Variants in WDR7 observed in about 807,000 individuals in gnomAD.
WDR7 encodes the protein WD repeat domain 7, also known as WD repeat-containing protein 7.
WDR7 carries 46 observed loss-of-function variants against 169.4 expected under a neutral mutation model. The ratio of observed to expected loss-of-function variants is 0.27; its 90% CI spans 0.21 to 0.35. The LOEUF (loss-of-function observed/expected upper bound fraction) is 0.35, where lower values mean the gene tolerates loss of function less well. WDR7 is among the 10% of genes least tolerant of loss of function. The probability of loss-of-function intolerance (pLI) is 1.00; values close to 1 mark genes in which losing one functional copy is unlikely to be tolerated. For missense variants in WDR7, 1,534 were observed against 1,859.3 expected, an observed-to-expected ratio of 0.83 and a Z score of 3.22; for synonymous variants, 612 against 666.8, an observed-to-expected ratio of 0.92 and a Z score of 1.27.
chr18:57,016,972 C>G (rs2048214827), intron 26 of WDR7, among the ~76,000 whole-genome samples: 1 of 152,210 alleles, frequency 6.6e-6, no homozygotes, highest in African/African-American at 2.4e-5. Context: ...TACCAAACCT[C>G]TATTTATGTT....
chr18:56,937,908 A>C (rs1599173752), intron 23 of WDR7, among the ~76,000 whole-genome samples: 1 of 152,338 alleles, frequency 6.6e-6, no homozygotes, highest in Admixed American at 6.5e-5. Context: ...TATATATATT[A>C]TATACTGTAG....
rs570412312 is a variant in WDR7 at position 56,843,402 on chromosome 18, C to T, written c.3304+27258C>T. Among the ~76,000 whole-genome samples the T allele has an allele frequency of 1.6e-4, 24 of 152,298 alleles. 2 individuals carry two copies. In the South Asian group the frequency reaches 4.8e-3, roughly 30 times the overall value. ...CTTTCCTGCCTCCATCCTCTGTCAA[C>T]CACTGTTCTGCTTTCTGTCTCTATG... On this transcript the variant is annotated intron_variant, in intron 20 of 27. Transcript: ENST00000254442.
intron 19 of WDR7, among the ~76,000 whole-genome samples, chr18:56,785,120 G>C (rs530039775): frequency 1.3e-5 from 2 of 152,262 alleles, no homozygotes; most frequent in East Asian, 3.9e-4. Context: ...CGTATGAAAG[G>C]AGAAGAAAGC....
intron 21 of WDR7, among the ~76,000 whole-genome samples, chr18:56,900,082 G>GTATATATA (rs1191116351): frequency 0.02 from 624 of 31,984 alleles, 7 homozygotes; most frequent in African/African-American, 0.034. Context: ...GTGTGTGTGT[G>GTATATATA]TATATATATA....
chr18:56,748,222 GTCTTT>G (rs1402165193), intron 14 of WDR7, among the ~76,000 whole-genome samples: 3 of 152,144 alleles, frequency 2.0e-5, no homozygotes, highest in African/African-American at 7.2e-5. Context: ...GAGGTAGGCA[GTCTTT>G]TCTTTATTTG....
intron 20 of WDR7, among the ~76,000 whole-genome samples, chr18:56,817,713 T>C (rs1157990795): frequency 2.0e-5 from 3 of 152,160 alleles, no homozygotes; most frequent in Admixed American, 2.0e-4. Context: ...GAATTTGTTT[T>C]GGTAGCTGCT....
At chr18:56,729,214 G>T (rs991594111) in intron 13 of WDR7, among the ~76,000 whole-genome samples, 21 of 152,168 alleles carry the variant, frequency 1.4e-4, no homozygotes, top group Middle Eastern at 6.8e-3. Context: ...ATTTATTCCT[G>T]TGAAACTTTA....
chr18:56,993,024 T>C (rs990864749), intron 26 of WDR7, among the ~76,000 whole-genome samples: 3 of 152,168 alleles, frequency 2.0e-5, no homozygotes, highest in Non-Finnish European at 4.4e-5. Context: ...ATTCTACACC[T>C]CCCAAACTCA....
chr18:57,005,800 T>A (rs2048048901), intron 26 of WDR7, among the ~76,000 whole-genome samples: 1 of 152,200 alleles, frequency 6.6e-6, no homozygotes, highest in South Asian at 2.1e-4. Flanking sequence ...CTAACACTAA[T>A]GCTAGCTTAT....
intron 12 of WDR7, among the ~76,000 whole-genome samples, chr18:56,708,437 G>C (rs75962753): frequency 0.012 from 1,852 of 152,284 alleles, 53 homozygotes; most frequent in African/African-American, 0.043. Context: ...TGCCATTTAA[G>C]TTCTAAGTTG....
In WDR7 at chr18:57,027,623, G is replaced by A. The variant is rs1468847424; in HGVS notation, c.*416G>A. 2.1e-5 allele frequency: 4 copies of A among 192,990 alleles called. No individual in the cohort carries two copies. In the South Asian group the frequency reaches 4.7e-4, roughly 23 times the overall value. The allele number at this position is 192,990 out of a possible 1,614,324, so 12.0% of individuals were successfully genotyped here. A position where few individuals can be genotyped will look rare whatever the true frequency, so the allele number is the denominator to read the frequency against. The stretch of plus-strand genomic sequence containing the variant: ...AGTGCTGCTTGAATCTGGCCGTTCT[G>A]ACACTGGGTGTTGAGGTCATGTGGC... On this transcript the variant is annotated 3_prime_UTR_variant, in exon 28 of 28. Coordinates refer to ENST00000254442, the MANE Select transcript of WDR7 (RefSeq NM_015285.3).
intron 12 of WDR7, among the ~76,000 whole-genome samples, chr18:56,697,476 T>G (rs886176698): frequency 6.6e-6 from 1 of 152,252 alleles, no homozygotes; most frequent in South Asian, 2.1e-4. Context: ...TTTGCAAATT[T>G]ACCTCCTTAA....
intron 1 of WDR7, among the ~76,000 whole-genome samples, chr18:56,671,220 G>A (rs979244451): frequency 2.0e-5 from 3 of 151,430 alleles, no homozygotes; most frequent in Non-Finnish European, 4.4e-5. Flanking sequence ...TACAACAAAA[G>A]ACTTTCATGA....
At chr18:56,895,207 T>C (rs1192320406) in intron 21 of WDR7, among the ~76,000 whole-genome samples, 2 of 152,012 alleles carry the variant, frequency 1.3e-5, no homozygotes, top group African/African-American at 4.8e-5. Context: ...AGGATATCCA[T>C]ATGTCAATCA....
rs907736377 is a variant in WDR7 at position 56,725,805 on chromosome 18, T to G, written c.1775-5578T>G. Among the ~76,000 whole-genome samples, 265 of 152,328 alleles carry G rather than the reference T, an allele frequency of 1.7e-3. 2 individuals carry two copies. Among genetic ancestry groups the G allele is most frequent in the Non-Finnish European group, 2.8e-3 (190 of 68,020 alleles). ...GGTTTTAGGTCTAACATTTAAGTCT[T>G]TAATCCATCTTGAATTAATTTTTGT... is the stretch of plus-strand genomic sequence containing the variant. On this transcript the variant is annotated intron_variant, in intron 13 of 27. Coordinates refer to ENST00000254442, the MANE Select transcript of WDR7 (RefSeq NM_015285.3).
intron 26 of WDR7, among the ~76,000 whole-genome samples, chr18:56,973,358 A>G (rs1271467234): frequency 6.6e-6 from 1 of 152,244 alleles, no homozygotes; most frequent in Non-Finnish European, 1.5e-5. Context: ...TTGATAGGCT[A>G]AAATTTATTT....
intron 27 of WDR7, 117 bp from the exon 28 acceptor site, chr18:57,026,887 G>A: frequency 9.4e-7 from 1 of 1,060,332 alleles, no homozygotes; most frequent in South Asian, 1.5e-5. Flanking sequence ...ACAAGCTTAG[G>A]TGAAGGAGAA....
At chr18:56,835,559 G>A (rs74926237) in intron 20 of WDR7, among the ~76,000 whole-genome samples, 5,226 of 152,216 alleles carry the variant, frequency 0.034, 162 homozygotes, top group East Asian at 0.11. Flanking sequence ...TTATTGTTGT[G>A]GGATAGGGTA....
intron 26 of WDR7, among the ~76,000 whole-genome samples, chr18:56,964,209 CAAA>C (rs370790953): frequency 2.9e-5 from 2 of 68,726 alleles, no homozygotes. Context: ...TGGTAACATG[CAAA>C]AAAAAAAAAA....
Sources: allele counts gnomAD v4.1 joint callset (sites outside exome capture counted in the v4.1 genomes callset), GRCh38; gene constraint gnomAD v4.1.1; transcripts MANE v1.5; gene names NCBI Gene and HGNC (gene_info 2026-07-23, HGNC 2026-07-21).